BET1: variants seen among roughly 807,000 people sequenced by gnomAD.
BET1 encodes the protein Bet1 golgi vesicular membrane trafficking protein.
In BET1, 9 loss-of-function variants were observed where a neutral mutation model predicts 13.9. The observed-to-expected ratio is 0.65, with a 90% CI of 0.39 to 1.13. BET1 has a LOEUF of 1.13. BET1 is among the 50% of genes most tolerant of loss of function. The pLI, the probability that BET1 is intolerant of heterozygous loss-of-function variation, is 0.01. For synonymous variants in BET1, 39 were observed against 47.3 expected (o/e 0.82, Z 0.72); for missense variants, 127 against 133.6 (o/e 0.95, Z 0.24).
downstream of BET1, among the ~76,000 whole-genome samples, chr7:93,989,236 A>T (rs1278915493): frequency 6.6e-6 from 1 of 151,816 alleles, no homozygotes; most frequent in Non-Finnish European, 1.5e-5. Flanking sequence ...CTGGTCTTGA[A>T]CTACTGACCT....
exon 7 of BET1, chr7:93,964,322 G>A (rs1795141481): frequency 6.6e-6 from 1 of 151,914 alleles, no homozygotes; most frequent in African/African-American, 2.4e-5. Context: ...ATATCTACGT[G>A]CACTCAATGT....
intron 4 of BET1, among the ~76,000 whole-genome samples, chr7:93,980,984 CA>C (rs2116065551): frequency 6.6e-6 from 1 of 152,236 alleles, no homozygotes; most frequent in Non-Finnish European, 1.5e-5. Context: ...ATCTTAGTAT[CA>C]CTTTTAGTTT....
intron 4 of BET1, among the ~76,000 whole-genome samples, chr7:93,976,932 G>A (rs974647011): frequency 1.3e-5 from 2 of 151,988 alleles, no homozygotes; most frequent in African/African-American, 2.4e-5. Flanking sequence ...AAGATATTTG[G>A]TTTAACATTT....
At chr7:93,981,557 A>G (rs947214895) in intron 4 of BET1, among the ~76,000 whole-genome samples, 4 of 152,206 alleles carry the variant, frequency 2.6e-5, no homozygotes, top group African/African-American at 9.6e-5. Context: ...CAAAATGCAA[A>G]GAGAGCATAC....
At chr7:93,980,205 A>C (rs1271141157) in intron 4 of BET1, among the ~76,000 whole-genome samples, 2 of 152,200 alleles carry the variant, frequency 1.3e-5, no homozygotes, top group Non-Finnish European at 2.9e-5. Flanking sequence ...CAACATTTAA[A>C]GAATTAATGT....
At chr7:93,989,317 G>T (rs1795586362), downstream of BET1, among the ~76,000 whole-genome samples, 4 of 151,980 alleles carry the variant, frequency 2.6e-5, no homozygotes, top group South Asian at 8.3e-4. Context: ...CCAGGCCGAA[G>T]CAAGTATATT....
rs1795690187 is a variant in BET1, at chr7:93,993,700, AATT to A, written c.*527_*529del. ...GAAATGAGGGGTCATTATCATCAAA[AATT>A]ATTAGGAAGATTGTAGGTAAAAAGA... On this transcript the variant is annotated 3_prime_UTR_variant, in exon 4 of 4. Transcript: ENST00000222547. The A allele has an allele frequency of 3.7e-6, 5 of 1,350,254 alleles. No homozygotes were observed. The East Asian group carries it at 1.4e-4, about 38-fold the overall frequency. 83.6% of individuals were successfully genotyped at this position (1,350,254 alleles called of 1,614,324 possible).
chr7:93,995,176 T>C (rs1795735399), intron 3 of BET1, among the ~76,000 whole-genome samples: 1 of 152,144 alleles, frequency 6.6e-6, no homozygotes, highest in African/African-American at 2.4e-5. Flanking sequence ...TCCTTTTGTT[T>C]AGACAGCTGA....
chr7:94,001,599 T>C (rs182036262), intron 1 of BET1, among the ~76,000 whole-genome samples: 66 of 152,324 alleles, frequency 4.3e-4, no homozygotes, highest in Non-Finnish European at 7.6e-4. Context: ...TGTTTTATTA[T>C]AAAAGAACTC....
downstream of BET1, among the ~76,000 whole-genome samples, chr7:93,991,246 A>G (rs368207540): frequency 2.4e-4 from 37 of 152,348 alleles, no homozygotes; most frequent in South Asian, 7.2e-3. Flanking sequence ...AAAAGTTAAC[A>G]TATGTAAAAT....
At chr7:93,999,764 A>G (rs1343699011) in intron 1 of BET1, 1 of 452,930 alleles carries the variant, frequency 2.2e-6, no homozygotes, top group Non-Finnish European at 4.4e-6. Context: ...TCTCTTAAAT[A>G]GACAGTTGGA....
chr7:93,998,922 A>T (rs943812815), intron 2 of BET1, among the ~76,000 whole-genome samples: 6 of 152,138 alleles, frequency 3.9e-5, no homozygotes, highest in Admixed American at 2.0e-4. Context: ...TACAGCAGAC[A>T]GCATACAGTA....
chr7:93,998,023 A>G (rs957722566), intron 2 of BET1, among the ~76,000 whole-genome samples: 1 of 152,176 alleles, frequency 6.6e-6, no homozygotes, highest in Non-Finnish European at 1.5e-5. Context: ...GATGTGGATA[A>G]GCAGCACTTC....
At chr7:93,965,632 T>C (rs1208856221) in exon 7 of BET1, 2 of 152,070 alleles carry the variant, frequency 1.3e-5, no homozygotes, top group African/African-American at 4.8e-5. Context: ...GTTTGTGTCC[T>C]GGGGTCTGTG....
At chr7:93,996,849 TATTAC>T (rs2116126004) in intron 2 of BET1, among the ~76,000 whole-genome samples, 1 of 151,938 alleles carries the variant, frequency 6.6e-6, no homozygotes, top group South Asian at 2.1e-4. Context: ...TACCCAACCT[TATTAC>T]ATTTTGAAAG....
chr7:93,998,274 G>A (rs1795815363), intron 2 of BET1, among the ~76,000 whole-genome samples: 1 of 152,164 alleles, frequency 6.6e-6, no homozygotes, highest in African/African-American at 2.4e-5. Flanking sequence ...GAAGACTTCT[G>A]GGAGTGCAGG....
chr7:93,998,950 G>C (rs1795832215), intron 2 of BET1, among the ~76,000 whole-genome samples: 1 of 152,064 alleles, frequency 6.6e-6, no homozygotes, highest in South Asian at 2.1e-4. Flanking sequence ...AAGAGCTGGA[G>C]ATTTTTCTTA....
chr7:94,000,133 CTCGCTCTG>C (rs536957594), intron 1 of BET1, among the ~76,000 whole-genome samples: 395 of 147,646 alleles, frequency 2.7e-3, no homozygotes, highest in African/African-American at 9.1e-3. Flanking sequence ...GAGGTGGAGT[CTCGCTCTG>C]TCGCCCAAGC....
chr7:93,983,453 T>C (rs1053373241), intron 4 of BET1, among the ~76,000 whole-genome samples: 1 of 152,154 alleles, frequency 6.6e-6, no homozygotes, highest in African/African-American at 2.4e-5. Context: ...GATTAAAATT[T>C]ATAATAATTC....
Sources: gnomAD v4.1 joint callset for allele counts (sites outside exome capture counted in the v4.1 genomes callset) on GRCh38, gnomAD v4.1.1 for gene constraint, MANE v1.5 for transcripts, NCBI Gene and HGNC (gene_info 2026-07-23, HGNC 2026-07-21) for gene names.